The following PCDHGB5 variants were observed in gnomAD, a reference collection of about 807,000 sequenced individuals.
PCDHGB5 encodes protocadherin gamma subfamily B, 5.
A neutral mutation model predicts 62.9 loss-of-function variants in PCDHGB5; 48 were observed. The ratio of observed to expected loss-of-function variants is 0.76; its 90% CI spans 0.61 to 0.97. The LOEUF is 0.97. PCDHGB5 is among the 50% of genes least tolerant of loss of function. The pLI is 0.00. For missense variants in PCDHGB5, 1,118 were observed against 1,198.6 expected (o/e 0.93, Z 0.99); for synonymous variants, 474 against 511.2 (o/e 0.93, Z 0.98).
chr5:141,488,915 G>A (rs942297924), intron 1 of PCDHGB5, among the ~76,000 whole-genome samples: 12 of 152,180 alleles, frequency 7.9e-5, no homozygotes, highest in Non-Finnish European at 2.9e-5. Flanking sequence ...TGTTCCCAAG[G>A]TTTCCAGGAT....
chr5:141,495,205 C>T (rs977479495), intron 2 of PCDHGB5, among the ~76,000 whole-genome samples: 1 of 152,212 alleles, frequency 6.6e-6, no homozygotes, highest in African/African-American at 2.4e-5. Flanking sequence ...TACTGCCTAA[C>T]CCCCTCCCCT....
At chr5:141,409,357 T>C (rs754237134) in intron 1 of PCDHGB5, 4 of 1,613,968 alleles carry the variant, frequency 2.5e-6, no homozygotes, top group Non-Finnish European at 2.5e-6. Flanking sequence ...TCAGGTGTAA[T>C]ATAGAAACAG....
chr5:141,422,018 T>C, intron 1 of PCDHGB5: 1 of 1,610,840 alleles, frequency 6.2e-7, no homozygotes, highest in Non-Finnish European at 8.5e-7. Context: ...CGGGTGCTGA[T>C]GGTTAATGCA....
At chr5:141,419,897 A>C in intron 1 of PCDHGB5, 1 of 1,613,960 alleles carries the variant, frequency 6.2e-7, no homozygotes, top group Non-Finnish European at 8.5e-7. Context: ...CGACCATCCC[A>C]CACCCTCTGA....
intron 1 of PCDHGB5, chr5:141,428,440 G>A (rs890993546): frequency 1.0e-5 from 4 of 393,892 alleles, no homozygotes; most frequent in African/African-American, 8.2e-5. Flanking sequence ...GACTAGACCA[G>A]GGGTTTTTCC....
At chr5:141,423,193 T>A in intron 1 of PCDHGB5, 2 of 1,613,564 alleles carry the variant, frequency 1.2e-6, no homozygotes, top group Non-Finnish European at 1.7e-6. Context: ...GCCCCCTCTC[T>A]CGGCCACCGT....
chr5:141,492,870 C>G (rs2099744684), intron 1 of PCDHGB5, among the ~76,000 whole-genome samples: 1 of 152,192 alleles, frequency 6.6e-6, no homozygotes, highest in African/African-American at 2.4e-5. Flanking sequence ...TGGCTCTCAA[C>G]CCCCAGAGAT....
At chr5:141,473,167 C>T (rs1360150717) in intron 1 of PCDHGB5, among the ~76,000 whole-genome samples, 2 of 152,122 alleles carry the variant, frequency 1.3e-5, no homozygotes. Flanking sequence ...TAGGAAGGCC[C>T]ACTGGTAACT....
chr5:141,410,224 C>T, intron 1 of PCDHGB5: 2 of 1,614,028 alleles, frequency 1.2e-6, no homozygotes, highest in Non-Finnish European at 8.5e-7. Context: ...TACTGCCAGA[C>T]CTCAGCGACC....
intron 1 of PCDHGB5, chr5:141,427,677 C>G: frequency 1.2e-6 from 1 of 816,672 alleles, no homozygotes; most frequent in Non-Finnish European, 2.1e-6. Context: ...AAACAACCTT[C>G]CCGGAGCCTC....
At position 141,489,562 on chromosome 5, in the gene PCDHGB5, G is replaced by A. The variant is rs770734883; in HGVS notation, c.2398-5245G>A. ...CACCAGCTGCCTGCTGCCAGTGCAG[G>A]TGGTGACTGAACACCCCCTGGAGCT... On this transcript the variant is annotated intron_variant, in intron 1 of 3. Coordinates refer to ENST00000617380, the MANE Select transcript of PCDHGB5 (RefSeq NM_018925.3). The surrounding 1 kb of genome is among the most constrained non-coding windows in gnomAD (Gnocchi z 4.5). 2 of 1,614,114 alleles carry A rather than the reference G, an allele frequency of 1.2e-6. No homozygotes were observed. Among genetic ancestry groups the A allele is most frequent in the Non-Finnish European group, 1.7e-6 (2 of 1,180,028 alleles).
In PCDHGB5 at chr5:141,490,682, C is replaced by T. The variant is rs1286126848; in HGVS notation, c.2398-4125C>T. On this transcript the variant is annotated intron_variant, in intron 1 of 3. Coordinates refer to ENST00000617380, the MANE Select transcript of PCDHGB5 (RefSeq NM_018925.3). The surrounding 1 kb of genome is among the most constrained non-coding windows in gnomAD (Gnocchi z 5.4). ...CTTTGCACTGTGGCTGCCTCAGATC[C>T]AGACACTGGGGATAATGCCCGCCTC... 10 of 1,614,054 alleles carry T rather than the reference C, an allele frequency of 6.2e-6. No homozygotes were observed. The highest frequency in any genetic ancestry group is 3.3e-5 in the Admixed American group (2 of 60,008).
At chr5:141,403,138 C>G in intron 1 of PCDHGB5, 1 of 1,614,036 alleles carries the variant, frequency 6.2e-7, no homozygotes, top group Non-Finnish European at 8.5e-7. Context: ...TGGCGGAGCG[C>G]CGAGTCCGCA....
chr5:141,429,488 T>TA (rs748742046), intron 1 of PCDHGB5, among the ~76,000 whole-genome samples: 13 of 152,096 alleles, frequency 8.5e-5, no homozygotes, highest in Non-Finnish European at 1.6e-4. Flanking sequence ...TAGCTGAGAC[T>TA]ACAGTTGCCT....
At chr5:141,435,435 T>G (rs2097763289) in intron 1 of PCDHGB5, among the ~76,000 whole-genome samples, 1 of 152,212 alleles carries the variant, frequency 6.6e-6, no homozygotes. Context: ...TGTTATGCAT[T>G]TCATTAATAC....
In PCDHGB5 at chr5:141,503,993, C is replaced by T. The variant is rs376134059; in HGVS notation, c.2457-1400C>T. Reference sequence around the variant, plus strand: ...GTGCCAAACCCTTCTTCTTACCTTACAGTCACTTAACTGTCTCTGCTGGTC... The same window carrying T: ...GTGCCAAACCCTTCTTCTTACCTTATAGTCACTTAACTGTCTCTGCTGGTC... On this transcript the variant is annotated intron_variant, in intron 2 of 3. Transcript: ENST00000617380. Among the ~76,000 whole-genome samples, 13 of 152,312 alleles carry T rather than the reference C, an allele frequency of 8.5e-5. 1 individual carries two copies. In the East Asian group the frequency reaches 1.7e-3, roughly 20 times the overall value.
chr5:141,433,277 T>G, intron 1 of PCDHGB5: 1 of 1,231,982 alleles, frequency 8.1e-7, no homozygotes. Flanking sequence ...CACTGCAGCC[T>G]CAAACTCCTA....
intron 1 of PCDHGB5, chr5:141,410,203 C>T: frequency 1.9e-6 from 3 of 1,614,022 alleles, no homozygotes; most frequent in Non-Finnish European, 2.5e-6. Flanking sequence ...TCGCAGACAA[C>T]TTGCAAGAGA....
At chr5:141,466,621 T>A (rs911794654) in intron 1 of PCDHGB5, among the ~76,000 whole-genome samples, 1 of 152,208 alleles carries the variant, frequency 6.6e-6, no homozygotes, top group Non-Finnish European at 1.5e-5. Context: ...GCCGTTTTCT[T>A]TGGAGCATTG....
Sources: allele counts gnomAD v4.1 joint callset (sites outside exome capture counted in the v4.1 genomes callset), GRCh38; gene constraint gnomAD v4.1.1; non-coding constraint Gnocchi (gnomAD v3.1); transcripts MANE v1.5; gene names NCBI Gene and HGNC (gene_info 2026-07-23, HGNC 2026-07-21).